Variants in ITGA6 observed in about 807,000 individuals in gnomAD.
ITGA6 encodes integrin subunit alpha 6, also known as integrin alpha-6.
In ITGA6, 63 loss-of-function variants were observed where a neutral mutation model predicts 133.6. The ratio of observed to expected loss-of-function variants is 0.47; its 90% CI spans 0.38 to 0.58. The LOEUF is 0.58. Among genes scored for constraint, ITGA6 ranks in the 20% least tolerant of loss-of-function variants. The pLI, the probability that ITGA6 is intolerant of heterozygous loss-of-function variation, is 0.00. For missense variants in ITGA6, 1,068 were observed against 1,309.4 expected (o/e 0.82, Z 2.85); for synonymous variants, 434 against 482.0 (o/e 0.90, Z 1.30).
chr2:172,486,196 A>G (rs1038342674), intron 13 of ITGA6, among the ~76,000 whole-genome samples: 1 of 150,470 alleles, frequency 6.6e-6, no homozygotes, highest in Non-Finnish European at 1.5e-5. Flanking sequence ...AAAAAAAAAA[A>G]ACAACTAATT....
Position 172,491,464 on chromosome 2 carries a change from G to T in ITGA6, c.2929G>T (p.Ala977Ser), listed in dbSNP as rs770788393. ...KLNYLDILMR[A>S]FIDVTAAAEN... Reference sequence around the variant, plus strand: ...GAACTACTTGGACATTCTCATGCGAGCCTTCATTGATGTGACTGCTGCTGC... The same window carrying T: ...GAACTACTTGGACATTCTCATGCGATCCTTCATTGATGTGACTGCTGCTGC... Residue 977 changes from alanine (A) to serine (S), a missense_variant, in exon 23 of 26, where the codon GCC becomes TCC. Coordinates refer to ENST00000684293, the MANE Select transcript of ITGA6 (RefSeq NM_000210.4). This position sits in a 1 kb window ranked among gnomAD's most constrained non-coding sequence, Gnocchi z 4.4. 41 of 1,613,720 alleles carry T rather than the reference G, an allele frequency of 2.5e-5. No homozygotes were observed. The South Asian group carries it at 4.2e-4, about 16-fold the overall frequency.
In ITGA6 at chr2:172,469,181, A is replaced by G. The variant is rs1236571588; in HGVS notation, c.444A>G (p.Arg148=). 1 of 1,614,176 alleles carries G rather than the reference A, an allele frequency of 6.2e-7. No individual in the cohort carries two copies. Among genetic ancestry groups the G allele is most frequent in the Admixed American group, 1.7e-5 (1 of 60,026 alleles). Reference sequence around the variant, plus strand: ...ATGTTAATACGAAGCAGGAATCCCGAGACATCTTTGGGCGGTGTTATGTCC... The same window carrying G: ...ATGTTAATACGAAGCAGGAATCCCGGGACATCTTTGGGCGGTGTTATGTCC... ...RQHVNTKQES[R]DIFGRCYVLS... The change falls in exon 4 of 26, where the codon CGA becomes CGG. Residue 148 remains arginine, a synonymous_variant. Coordinates refer to ENST00000684293, the MANE Select transcript of ITGA6 (RefSeq NM_000210.4).
At chr2:172,493,873 G>A (rs933143948) in intron 23 of ITGA6, among the ~76,000 whole-genome samples, 3 of 152,176 alleles carry the variant, frequency 2.0e-5, no homozygotes, top group Non-Finnish European at 1.5e-5. Context: ...TGATGACTGG[G>A]TCACAAATGA....
chr2:172,459,497 G>A (rs914271831), intron 1 of ITGA6, among the ~76,000 whole-genome samples: 2 of 151,690 alleles, frequency 1.3e-5, no homozygotes, highest in Non-Finnish European at 2.9e-5. Flanking sequence ...GAGAGAGACT[G>A]TCTCAAAAAA....
Position 172,505,432 on chromosome 2 carries a change from GT to G in ITGA6, c.*1368del, listed in dbSNP as rs1687518918. The G allele has an allele frequency of 6.6e-6, 1 of 152,060 alleles. No individual in the cohort carries two copies. Among genetic ancestry groups the G allele is most frequent in the South Asian group, 2.1e-4 (1 of 4,824 alleles). The allele number at this position is 152,060 out of a possible 1,614,324, so 9.4% of individuals were successfully genotyped here. On this transcript the variant is annotated 3_prime_UTR_variant, in exon 26 of 26. Transcript: ENST00000684293. ...TCAGTGAGTCGATGTTCTATTTTTT[GT>G]TTTGTTTCCTCCCCTATCTGTATTC...
rs532435481 is a variant in ITGA6 at position 172,501,911 on chromosome 2, C to T, written c.*22+10C>T. ...TCTACTTCTGTAATTGGTAATTGAT[C>T]AATGTTTTTTAATTGCTAGCTGTGG... is the stretch of plus-strand genomic sequence containing the variant. On this transcript the variant is annotated intron_variant, in intron 25 of 25. Coordinates refer to ENST00000684293, the MANE Select transcript of ITGA6 (RefSeq NM_000210.4). The T allele has an allele frequency of 6.2e-7, 1 of 1,608,280 alleles. No individual in the cohort carries two copies. Among genetic ancestry groups the T allele is most frequent in the East Asian group, 2.2e-5 (1 of 44,786 alleles).
chr2:172,455,668 G>A (rs1685178581), intron 1 of ITGA6, among the ~76,000 whole-genome samples: 1 of 152,240 alleles, frequency 6.6e-6, no homozygotes, highest in Non-Finnish European at 1.5e-5. Context: ...CTTTGGGACT[G>A]ATAAAATGGG....
Position 172,489,650 on chromosome 2 carries a change from A to ACAT in ITGA6, c.2671_2672insCAT (p.Asn891delinsThrTyr). 6.2e-7 allele frequency: 1 copy of ACAT among 1,613,570 alleles called. No homozygotes were observed. The highest frequency in any genetic ancestry group is 8.5e-7 in the Non-Finnish European group (1 of 1,179,496). On this transcript the variant is annotated protein_altering_variant, in exon 20 of 26. Coordinates refer to ENST00000684293, the MANE Select transcript of ITGA6 (RefSeq NM_000210.4). Reference sequence around the variant, plus strand: ...GCCACAAAAGGAGATAAACTCCCTGAACCTAACGGTATGTCGGTAGATTTA... The same window carrying ACAT: ...GCCACAAAAGGAGATAAACTCCCTGACATACCTAACGGTATGTCGGTAGATTTA...
intron 23 of ITGA6, among the ~76,000 whole-genome samples, chr2:172,494,008 C>T (rs553419246): frequency 7.2e-4 from 109 of 152,242 alleles, no homozygotes; most frequent in African/African-American, 2.4e-3. Context: ...ATCTAGAACC[C>T]ATGTCTTTTG....
intron 11 of ITGA6, among the ~76,000 whole-genome samples, chr2:172,480,304 C>T (rs1387651388): frequency 6.6e-6 from 1 of 152,152 alleles, no homozygotes; most frequent in Non-Finnish European, 1.5e-5. Context: ...TGGAAAAGTA[C>T]TTATTTGCTA....
rs16860566 is a variant in ITGA6 at position 172,492,695 on chromosome 2, T to C, written c.2988+1172T>C. Reference sequence around the variant, plus strand: ...CTCGAGGCAGAATGACTGCATGTCATGGTGGGAATAATGAATGGGAATGTT... The same window carrying C: ...CTCGAGGCAGAATGACTGCATGTCACGGTGGGAATAATGAATGGGAATGTT... On this transcript the variant is annotated intron_variant, in intron 23 of 25. Transcript: ENST00000684293. 4.0e-3 allele frequency among the ~76,000 whole-genome samples: 611 copies of C among 152,152 alleles called. 6 individuals are homozygous for C. Among genetic ancestry groups the C allele is most frequent in the African/African-American group, 0.014 (590 of 41,512 alleles).
upstream of ITGA6, chr2:172,427,430 C>T (rs1034304138): frequency 5.8e-6 from 6 of 1,033,996 alleles, no homozygotes; most frequent in Non-Finnish European, 7.0e-6. Context: ...GTCGTGGCTT[C>T]CGGGCAGGTA....
At position 172,485,275 on chromosome 2, in the gene ITGA6, C is replaced by G; in HGVS notation, c.1854+11C>G. 2 of 1,613,400 alleles carry G rather than the reference C, an allele frequency of 1.2e-6. No individual in the cohort carries two copies. Among genetic ancestry groups the G allele is most frequent in the Non-Finnish European group, 1.7e-6 (2 of 1,179,552 alleles). ...ACAGCTCATATTGATGTAAGTCTCTCTGACTTTCATTTTGCCAAAGTTTTT... is the reference window on the plus strand; with the variant it reads ...ACAGCTCATATTGATGTAAGTCTCTGTGACTTTCATTTTGCCAAAGTTTTT... On this transcript the variant is annotated intron_variant, in intron 13 of 25. Transcript: ENST00000684293.
intron 4 of ITGA6, 61 bp downstream of exon 4, chr2:172,469,441 A>AGTACCATGATTTT: frequency 1.3e-6 from 2 of 1,494,784 alleles, no homozygotes; most frequent in East Asian, 4.5e-5. Flanking sequence ...AATATGATTT[A>AGTACCATGATTTT]GTACATTTTG....
intron 23 of ITGA6, among the ~76,000 whole-genome samples, chr2:172,497,630 G>A (rs1687183238): frequency 6.6e-6 from 1 of 152,114 alleles, no homozygotes; most frequent in Non-Finnish European, 1.5e-5. Flanking sequence ...TACACAGACT[G>A]GCTGTATATT....
At chr2:172,455,001 TAAAAA>T (rs989057820) in intron 1 of ITGA6, among the ~76,000 whole-genome samples, 1 of 151,454 alleles carries the variant, frequency 6.6e-6, no homozygotes, top group African/African-American at 2.4e-5. Flanking sequence ...AAATAAAAGT[TAAAAA>T]AAAGCTGGAA....
chr2:172,481,267 T>G (rs972192237), intron 11 of ITGA6, among the ~76,000 whole-genome samples: 1 of 152,136 alleles, frequency 6.6e-6, no homozygotes, highest in Admixed American at 6.5e-5. Context: ...CTTATAATAT[T>G]CCAGAATATA....
chr2:172,482,708 G>A (rs1686499866), intron 11 of ITGA6, among the ~76,000 whole-genome samples: 1 of 152,204 alleles, frequency 6.6e-6, no homozygotes, highest in Non-Finnish European at 1.5e-5. Flanking sequence ...ATAAATGGAT[G>A]ATGTCAAGGC....
chr2:172,498,566 ACT>A (rs1049765379), intron 24 of ITGA6, among the ~76,000 whole-genome samples: 5 of 152,152 alleles, frequency 3.3e-5, no homozygotes, highest in Admixed American at 6.5e-5. Context: ...TGAATGAATA[ACT>A]CTATCTCAAG....
Sources: allele counts gnomAD v4.1 joint callset (sites outside exome capture counted in the v4.1 genomes callset), GRCh38; gene constraint gnomAD v4.1.1; non-coding constraint Gnocchi (gnomAD v3.1); transcripts MANE v1.5; gene names NCBI Gene and HGNC (gene_info 2026-07-23, HGNC 2026-07-21).